Variants in DNAI7 observed in about 807,000 individuals in gnomAD.
DNAI7 encodes the protein cancer susceptibility 1.
DNAI7 carries 78 observed loss-of-function variants against 86.6 expected under a neutral mutation model. The observed-to-expected ratio is 0.90, with a 90% CI of 0.75 to 1.09. The LOEUF is 1.09. Ranked by LOEUF, DNAI7 falls within the 50% of genes least tolerant of loss-of-function variation. DNAI7 has a pLI of 0.00. For synonymous variants in DNAI7, 274 were observed against 273.0 expected, an observed-to-expected ratio of 1.00 and a Z score of -0.04; for missense variants, 753 against 810.2, an observed-to-expected ratio of 0.93 and a Z score of 0.86.
chr12:25,189,989 TA>T (rs71449907), intron 2 of DNAI7, among the ~76,000 whole-genome samples: 1 of 19,134 alleles, frequency 5.2e-5, no homozygotes, highest in African/African-American at 1.3e-4. Flanking sequence ...GCAACTGATT[TA>T]AAAAAAAAAA....
chr12:25,147,480 C>CCCCG lies in DNAI7; in HGVS notation c.586-377_586-376insCGGG, dbSNP rs200899743. Among the ~76,000 whole-genome samples the CCCCG allele has an allele frequency of 4.9e-3, 738 of 150,472 alleles. 4 individuals are homozygous for CCCCG. The highest frequency in any genetic ancestry group is 8.1e-3 in the Admixed American group (121 of 14,978). ...AAGCCTGGGCAACATAATGAGACCA[C>CCCCG]CCCCATCTCTACAAAAAATTAGCTG... On this transcript the variant is annotated intron_variant, in intron 7 of 15. Coordinates refer to ENST00000395987, the MANE Select transcript of DNAI7 (RefSeq NM_018272.5).
intron 2 of DNAI7, among the ~76,000 whole-genome samples, chr12:25,172,412 T>C (rs973891820): frequency 1.3e-4 from 20 of 152,116 alleles, no homozygotes; most frequent in African/African-American, 4.3e-4. Context: ...GACAGACCTC[T>C]ATAAGGAAAA....
intron 12 of DNAI7, 106 bp downstream of exon 12, chr12:25,119,039 G>T: frequency 2.3e-6 from 2 of 870,414 alleles, no homozygotes; most frequent in South Asian, 2.4e-5. Flanking sequence ...AATTGGCATA[G>T]AAATATGTAA....
chr12:25,191,703 TAAAC>T lies in DNAI7; in HGVS notation c.4-1076_4-1073del, dbSNP rs1449511916. On this transcript the variant is annotated intron_variant, in intron 1 of 15. Transcript: ENST00000395987. ...GGGTGACAGAGCAAGACTCAAAAAA[TAAAC>T]AAATAAATAAATAAATAAAGCAGGT... is the stretch of plus-strand genomic sequence containing the variant. Among the ~76,000 whole-genome samples, 4 of 151,858 alleles carry T rather than the reference TAAAC, an allele frequency of 2.6e-5. No homozygotes were observed. In the East Asian group the frequency reaches 7.7e-4, roughly 29 times the overall value.
intron 9 of DNAI7, among the ~76,000 whole-genome samples, chr12:25,133,024 G>A (rs2352782): frequency 0.4 from 60,339 of 151,956 alleles, 13,851 homozygotes; most frequent in East Asian, 0.77. Context: ...TTTTGGTTTT[G>A]ATGCACTGGT....
intron 2 of DNAI7, among the ~76,000 whole-genome samples, chr12:25,176,434 T>A (rs1948967675): frequency 6.6e-6 from 1 of 152,118 alleles, no homozygotes; most frequent in African/African-American, 2.4e-5. Context: ...ACATAAAAAC[T>A]AAAATTTTCC....
In DNAI7 at chr12:25,149,019, CAGAGTCTGCCT is replaced by C. The variant is rs1428858698; in HGVS notation, c.585+598_585+608del. Among the ~76,000 whole-genome samples, 7 of 151,960 alleles carry C rather than the reference CAGAGTCTGCCT, an allele frequency of 4.6e-5. No homozygotes were observed. In the South Asian group the frequency reaches 1.2e-3, roughly 27 times the overall value. On this transcript the variant is annotated intron_variant, in intron 7 of 15. Coordinates refer to ENST00000395987, the MANE Select transcript of DNAI7 (RefSeq NM_018272.5). ...TATTCTTACTTTTATTTTTTTGAGA[CAGAGTCTGCCT>C]CTGTTGCCCAGGTTGAAGTGCAGTG...
chr12:25,129,712 A>C (rs1041577130), intron 9 of DNAI7, among the ~76,000 whole-genome samples: 3 of 152,146 alleles, frequency 2.0e-5, no homozygotes, highest in Non-Finnish European at 4.4e-5. Flanking sequence ...TCATGAGAGA[A>C]GACTTCCAAT....
At chr12:25,108,916 C>T in intron 15 of DNAI7, 93 bp from the exon 16 acceptor site, 3 of 767,580 alleles carry the variant, frequency 3.9e-6, no homozygotes, top group Non-Finnish European at 5.8e-6. Context: ...CTCAATTTAT[C>T]CCCCAAAATT....
At chr12:25,120,317 G>GGAGGGAGAGAGAGAGA (rs1555156526) in intron 11 of DNAI7, among the ~76,000 whole-genome samples, 1 of 80,762 alleles carries the variant, frequency 1.2e-5, no homozygotes, top group Admixed American at 1.6e-4. Flanking sequence ...GCAGGAAGAG[G>GGAGGGAGAGAGAGAGA]GAGAGAGAGA....
chr12:25,132,527 T>C (rs1483556163), intron 9 of DNAI7, among the ~76,000 whole-genome samples: 1 of 151,050 alleles, frequency 6.6e-6, no homozygotes, highest in Admixed American at 6.6e-5. Context: ...ATTTGTGGAC[T>C]GTTTTTGCTA....
chr12:25,123,235 CT>C lies in DNAI7; in HGVS notation c.1053del (p.Val352TyrfsTer2). 6.2e-7 allele frequency: 1 copy of C among 1,604,140 alleles called. No individual in the cohort carries two copies. The highest frequency in any genetic ancestry group is 8.5e-7 in the Non-Finnish European group (1 of 1,175,864). ...SEAIKCEREM[K>X]VLSETVSAAQ... is the part of the protein sequence containing the mutation. The stretch of plus-strand genomic sequence containing the variant: ...CCTGCTGAAACAGTTTCACTTAATA[CT>C]TTCATCTCTCGTTCACATTTTATGG... On this transcript the variant is annotated frameshift_variant, in exon 10 of 16. Coordinates refer to ENST00000395987, the MANE Select transcript of DNAI7 (RefSeq NM_018272.5). LOFTEE classifies it high-confidence loss of function.
chr12:25,120,697 C>T (rs1028700132), intron 11 of DNAI7, among the ~76,000 whole-genome samples: 3 of 152,158 alleles, frequency 2.0e-5, no homozygotes, highest in South Asian at 4.2e-4. Context: ...TGCACTCCAG[C>T]CTGGGCGAAA....
intron 12 of DNAI7, among the ~76,000 whole-genome samples, chr12:25,118,464 T>C (rs1940636462): frequency 6.6e-6 from 1 of 151,606 alleles, no homozygotes; most frequent in Admixed American, 6.6e-5. Flanking sequence ...GATTTCACCA[T>C]GTTGGCCAGG....
At chr12:25,107,786 T>C (rs747002129), downstream of DNAI7, 8 of 1,595,626 alleles carry the variant, frequency 5.0e-6, no homozygotes, top group Non-Finnish European at 6.9e-6. Flanking sequence ...AAATTACCGA[T>C]TACCAAATTC....
At chr12:25,166,910 C>T (rs1947546069) in intron 2 of DNAI7, among the ~76,000 whole-genome samples, 1 of 152,168 alleles carries the variant, frequency 6.6e-6, no homozygotes. Context: ...GATGCATATA[C>T]TTTCTGCTCC....
intron 6 of DNAI7, among the ~76,000 whole-genome samples, chr12:25,150,387 G>A (rs375552836): frequency 1.3e-5 from 2 of 151,984 alleles, no homozygotes; most frequent in Admixed American, 6.6e-5. Flanking sequence ...GGCAGATCAC[G>A]AGGTCAGGAG....
chr12:25,107,148 T>G (rs923283941), downstream of DNAI7: 1 of 522,850 alleles, frequency 1.9e-6, no homozygotes, highest in Non-Finnish European at 3.3e-6. Flanking sequence ...CTAAAAGACA[T>G]GCCAAATTGT....
chr12:25,137,423 AC>A (rs895475716), intron 9 of DNAI7, among the ~76,000 whole-genome samples: 20 of 152,062 alleles, frequency 1.3e-4, no homozygotes, highest in African/African-American at 3.9e-4. Flanking sequence ...CCAAAACAGA[AC>A]CCCCCTAAAT....
Sources: gnomAD v4.1 joint callset for allele counts (sites outside exome capture counted in the v4.1 genomes callset) on GRCh38, gnomAD v4.1.1 for gene constraint, MANE v1.5 for transcripts, NCBI Gene and HGNC (gene_info 2026-07-23, HGNC 2026-07-21) for gene names.